Variants in MGAT4C observed in about 807,000 individuals in gnomAD.
MGAT4C encodes the protein alpha-1,3-mannosyl-glycoprotein 4-beta-N-acetylglucosaminyltransferase C.
MGAT4C carries 19 observed loss-of-function variants against 40.1 expected under a neutral mutation model. That is an observed-to-expected ratio of 0.47 (90% confidence interval 0.33 to 0.70). The LOEUF (loss-of-function observed/expected upper bound fraction) is 0.70. Ranked by LOEUF, MGAT4C falls within the 30% of genes least tolerant of loss-of-function variation. MGAT4C has a pLI of 0.02. For synonymous variants in MGAT4C, 181 were observed against 187.1 expected (o/e 0.97, Z 0.27); for missense variants, 491 against 563.2 (o/e 0.87, Z 1.30).
rs2136762398 is a variant in MGAT4C at position 85,998,778 on chromosome 12, C to A, written c.-6-9226G>T. Reference sequence around the variant, plus strand: ...TTTTGGGCAAAGCCATTCAACAAGTCTCTAGGAAGTTCCAAAATTTTCCAT... The same window carrying A: ...TTTTGGGCAAAGCCATTCAACAAGTATCTAGGAAGTTCCAAAATTTTCCAT... On this transcript the variant is annotated intron_variant, in intron 2 of 4. Coordinates refer to ENST00000611864, the MANE Select transcript of MGAT4C (RefSeq NM_001351288.2). Among the ~76,000 whole-genome samples, 3 of 152,286 alleles carry A rather than the reference C, an allele frequency of 2.0e-5. No individual in the cohort carries two copies. In the Middle Eastern group the frequency reaches 0.01, roughly 518 times the overall value.
At chr12:86,007,430 A>C (rs1171671551) in intron 2 of MGAT4C, among the ~76,000 whole-genome samples, 1 of 152,148 alleles carries the variant, frequency 6.6e-6, no homozygotes. Flanking sequence ...GGATATAAAA[A>C]ATATAAGATC....
intron 3 of MGAT4C, among the ~76,000 whole-genome samples, chr12:86,341,300 G>T (rs191610447): frequency 6.6e-6 from 1 of 152,238 alleles, no homozygotes; most frequent in East Asian, 1.9e-4. Flanking sequence ...ATCTCCTTGT[G>T]AACCCACTCC....
chr12:86,288,449 A>G (rs190298480), intron 4 of MGAT4C, among the ~76,000 whole-genome samples: 1 of 152,202 alleles, frequency 6.6e-6, no homozygotes, highest in African/African-American at 2.4e-5. Context: ...GGTACTGCCT[A>G]GGTTTTTTTC....
chr12:85,959,776 C>CT lies in MGAT4C; in HGVS notation c.*19512dup, dbSNP rs1235811332. On this transcript the variant is annotated 3_prime_UTR_variant, in exon 5 of 5. Transcript: ENST00000611864. ...TTCATTGTTTTCTTCTGGGTTAACT[C>CT]TTTTTTATGTTAACTGAATCAATTT... 1 of 147,102 alleles carries CT rather than the reference C, an allele frequency of 6.8e-6. No individual in the cohort carries two copies. The highest frequency in any genetic ancestry group is 2.5e-5 in the African/African-American group (1 of 39,906). 9.1% of individuals were successfully genotyped at this position (147,102 alleles called of 1,614,324 possible).
chr12:86,390,593 T>A (rs932833482), intron 3 of MGAT4C, among the ~76,000 whole-genome samples: 15 of 152,152 alleles, frequency 9.9e-5, no homozygotes, highest in African/African-American at 3.4e-4. Context: ...ATCATACTAT[T>A]CAGACATATG....
chr12:86,419,570 G>C (rs1408477307), intron 3 of MGAT4C, among the ~76,000 whole-genome samples: 1 of 152,080 alleles, frequency 6.6e-6, no homozygotes, highest in Admixed American at 6.6e-5. Context: ...AAGGGGACCA[G>C]AAGAATAAAA....
chr12:86,142,714 T>C (rs1007478615), intron 1 of MGAT4C, among the ~76,000 whole-genome samples: 2 of 151,902 alleles, frequency 1.3e-5, no homozygotes, highest in Admixed American at 6.6e-5. Flanking sequence ...CCATTCTTTT[T>C]TTTTTTTGTT....
intron 1 of MGAT4C, among the ~76,000 whole-genome samples, chr12:86,057,777 T>C (rs1227668960): frequency 6.6e-6 from 1 of 152,190 alleles, no homozygotes; most frequent in Non-Finnish European, 1.5e-5. Context: ...AATTGTTTGC[T>C]AAATGACTAG....
Position 86,783,078 on chromosome 12 carries a change from T to G in MGAT4C, c.-262+55588A>C, listed in dbSNP as rs374034012. On this transcript the variant is annotated intron_variant, in intron 1 of 7. Coordinates refer to the MGAT4C transcript ENST00000548651. ...ACCCTGTAAAGACATCAGTTATAAT[T>G]TTAAGAAAAATGATAATATATTCAT... 1.6e-3 allele frequency among the ~76,000 whole-genome samples: 244 copies of G among 152,296 alleles called. 9 individuals carry two copies. In the South Asian group the frequency reaches 0.049, roughly 31 times the overall value.
intron 1 of MGAT4C, among the ~76,000 whole-genome samples, chr12:86,102,901 T>C (rs1875373955): frequency 6.6e-6 from 1 of 152,120 alleles, no homozygotes; most frequent in South Asian, 2.1e-4. Context: ...CAACATGCAA[T>C]AGAGAAACAG....
At chr12:86,002,536 T>G (rs1887438055) in intron 2 of MGAT4C, 1 of 151,672 alleles carries the variant, frequency 6.6e-6, no homozygotes, top group Non-Finnish European at 1.5e-5. Context: ...TGGCTAAAGT[T>G]TCAGAATAAA....
chr12:86,371,702 C>T (rs1477331124), intron 3 of MGAT4C, among the ~76,000 whole-genome samples: 1 of 152,040 alleles, frequency 6.6e-6, no homozygotes, highest in Non-Finnish European at 1.5e-5. Context: ...CTGTGTTTCA[C>T]TTCTAGACTG....
At chr12:86,178,051 C>G (rs1442023828) in intron 1 of MGAT4C, among the ~76,000 whole-genome samples, 1 of 152,090 alleles carries the variant, frequency 6.6e-6, no homozygotes, top group Non-Finnish European at 1.5e-5. Flanking sequence ...ATTCTCGTGC[C>G]TCAGCCTCCC....
At chr12:86,193,208 A>T (rs1248545209) in intron 1 of MGAT4C, among the ~76,000 whole-genome samples, 2 of 151,732 alleles carry the variant, frequency 1.3e-5, no homozygotes, top group Non-Finnish European at 2.9e-5. Context: ...CTTTCTTAGA[A>T]TGAAATCCTT....
chr12:86,603,333 A>C (rs1272284855), intron 2 of MGAT4C, among the ~76,000 whole-genome samples: 1 of 137,432 alleles, frequency 7.3e-6, no homozygotes, highest in Non-Finnish European at 1.5e-5. Flanking sequence ...AAAATTATAT[A>C]GTATAGTATA....
chr12:86,522,747 T>A (rs1477082814), intron 2 of MGAT4C, among the ~76,000 whole-genome samples: 1 of 152,122 alleles, frequency 6.6e-6, no homozygotes, highest in Non-Finnish European at 1.5e-5. Context: ...TTGGTTGGTA[T>A]GCTATTTTTT....
intron 2 of MGAT4C, among the ~76,000 whole-genome samples, chr12:86,700,106 T>TGATA (rs1173008008): frequency 7.0e-6 from 1 of 143,516 alleles, no homozygotes; most frequent in African/African-American, 2.6e-5. Flanking sequence ...GATAGATAGA[T>TGATA]GATAGATAGG....
At chr12:86,363,312 G>T (rs1955523861) in intron 3 of MGAT4C, among the ~76,000 whole-genome samples, 1 of 152,006 alleles carries the variant, frequency 6.6e-6, no homozygotes, top group African/African-American at 2.4e-5. Flanking sequence ...ATAGAAAATT[G>T]TCTATAAAGA....
At chr12:86,602,352 TAAAG>T (rs1961816645) in intron 2 of MGAT4C, among the ~76,000 whole-genome samples, 1 of 152,172 alleles carries the variant, frequency 6.6e-6, no homozygotes, top group South Asian at 2.1e-4. Flanking sequence ...TACTTCTTGT[TAAAG>T]AATGAAAATC....
Sources: allele counts gnomAD v4.1 joint callset (sites outside exome capture counted in the v4.1 genomes callset), GRCh38; gene constraint gnomAD v4.1.1; transcripts MANE v1.5; gene names NCBI Gene and HGNC (gene_info 2026-07-23, HGNC 2026-07-21).